Variants in SPINK14 observed in about 807,000 individuals in gnomAD.
SPINK14 encodes serine peptidase inhibitor Kazal type 14 (putative).
SPINK14 carries 6 observed loss-of-function variants against 14.2 expected under a neutral mutation model. The ratio of observed to expected loss-of-function variants is 0.42; its 90% CI spans 0.23 to 0.83. SPINK14 has a LOEUF of 0.83. SPINK14 is among the 40% of genes least tolerant of loss of function. SPINK14 has a pLI of 0.28. For missense variants in SPINK14, 86 were observed against 108.3 expected, an observed-to-expected ratio of 0.79 and a Z score of 0.91; for synonymous variants, 34 against 36.8, an observed-to-expected ratio of 0.92 and a Z score of 0.27.
intron 3 of SPINK14, among the ~76,000 whole-genome samples, chr5:148,173,269 C>CTAACCTCA (rs1755130644): frequency 6.6e-6 from 1 of 152,122 alleles, no homozygotes; most frequent in African/African-American, 2.4e-5. Context: ...CCTGAGAACA[C>CTAACCTCA]TAGCCTCAAG....
chr5:148,169,891 T>G, intron 2 of SPINK14, 92 bp downstream of exon 2: 1 of 944,492 alleles, frequency 1.1e-6, no homozygotes, highest in Non-Finnish European at 1.6e-6. Flanking sequence ...AAATTGTTCT[T>G]TAACTGGGAT....
At position 148,175,530 on chromosome 5, in the gene SPINK14, A is replaced by G. The variant is rs370395738; in HGVS notation, c.*132A>G. 3.0e-6 allele frequency: 2 copies of G among 675,274 alleles called. No homozygotes were observed. Among genetic ancestry groups the G allele is most frequent in the Non-Finnish European group, 5.0e-6 (2 of 398,424 alleles). The allele number at this position is 675,274 out of a possible 1,614,324, so 41.8% of individuals were successfully genotyped here. On this transcript the variant is annotated 3_prime_UTR_variant, in exon 5 of 5. Transcript: ENST00000356972. ...GAGCTATCACTACTGAGCTTGTAGC[A>G]GATTGTTCAAAGTTCCTTCCATGGA...
At chr5:148,172,009 T>C (rs1279292464) in intron 3 of SPINK14, among the ~76,000 whole-genome samples, 1 of 152,168 alleles carries the variant, frequency 6.6e-6, no homozygotes, top group Non-Finnish European at 1.5e-5. Flanking sequence ...AGATACACTA[T>C]TGAGGAAAGC....
chr5:148,175,250 T>C, intron 4 of SPINK14, 103 bp from the exon 5 acceptor site: 1 of 762,500 alleles, frequency 1.3e-6, no homozygotes, highest in Non-Finnish European at 2.1e-6. Context: ...ATCTTAGTTT[T>C]TCCAAATATA....
At chr5:148,172,554 A>C (rs1239447639) in intron 3 of SPINK14, among the ~76,000 whole-genome samples, 1 of 152,190 alleles carries the variant, frequency 6.6e-6, no homozygotes, top group African/African-American at 2.4e-5. Context: ...TGTGCTGGGC[A>C]CATAATGACT....
Position 148,169,597 on chromosome 5 carries a change from G to C in SPINK14, c.-72-64G>C, listed in dbSNP as rs1044723819. On this transcript the variant is annotated intron_variant, in intron 1 of 4. Coordinates refer to ENST00000356972, the MANE Select transcript of SPINK14 (RefSeq NM_001001325.2). The stretch of plus-strand genomic sequence containing the variant: ...AAATACATAGTACTGAGGATACAAT[G>C]GGTGGAGTAGAGATGGCTCTTCATT... 66 of 601,380 alleles carry C rather than the reference G, an allele frequency of 1.1e-4. No homozygotes were observed. The East Asian group carries it at 1.9e-3, about 18-fold the overall frequency. 37.3% of individuals were successfully genotyped at this position (601,380 alleles called of 1,614,324 possible). A position where few individuals can be genotyped will look rare whatever the true frequency, so the allele number is the denominator to read the frequency against.
At chr5:148,171,114 C>G (rs566539769) in intron 3 of SPINK14, 141 bp downstream of exon 3, 1 of 755,604 alleles carries the variant, frequency 1.3e-6, no homozygotes, top group Non-Finnish European at 2.2e-6. Flanking sequence ...GTGGTGGATA[C>G]ACTGCTGAAA....
intron 3 of SPINK14, among the ~76,000 whole-genome samples, chr5:148,172,076 C>T (rs1243809479): frequency 6.6e-6 from 1 of 152,036 alleles, no homozygotes; most frequent in African/African-American, 2.4e-5. Flanking sequence ...AAGAAACCAA[C>T]TATGATTTAT....
Position 148,170,989 on chromosome 5 carries a change from A to G in SPINK14, c.111+16A>G, listed in dbSNP as rs1475101694. On this transcript the variant is annotated intron_variant, in intron 3 of 4. Transcript: ENST00000356972. ...AATTATTAAGGTAATGTTCCATTAA[A>G]TTTCCCCCCAGGACTTACATTATAA... The G allele has an allele frequency of 6.2e-7, 1 of 1,610,620 alleles. No individual in the cohort carries two copies. The highest frequency in any genetic ancestry group is 1.7e-5 in the Admixed American group (1 of 59,808).
At chr5:148,172,640 C>T (rs1755122680) in intron 3 of SPINK14, among the ~76,000 whole-genome samples, 1 of 152,076 alleles carries the variant, frequency 6.6e-6, no homozygotes, top group Admixed American at 6.6e-5. Context: ...AATAATTAAA[C>T]AAATGCGTTG....
intron 3 of SPINK14, among the ~76,000 whole-genome samples, chr5:148,172,300 G>C (rs1185753718): frequency 6.6e-6 from 1 of 152,098 alleles, no homozygotes; most frequent in Non-Finnish European, 1.5e-5. Context: ...TGTGTGACTG[G>C]AGCACAGACA....
chr5:148,170,351 A>G (rs889248817), intron 2 of SPINK14, among the ~76,000 whole-genome samples: 2 of 152,062 alleles, frequency 1.3e-5, no homozygotes, highest in African/African-American at 2.4e-5. Flanking sequence ...AAAAGTGACT[A>G]GCAATATAAT....
At chr5:148,171,215 T>C (rs1417934909) in intron 3 of SPINK14, among the ~76,000 whole-genome samples, 2 of 152,094 alleles carry the variant, frequency 1.3e-5, no homozygotes, top group African/African-American at 2.4e-5. Flanking sequence ...CTGAGAAATA[T>C]TGAAGAGTAT....
intron 3 of SPINK14, among the ~76,000 whole-genome samples, chr5:148,171,734 A>C (rs1235901171): frequency 1.3e-5 from 2 of 152,194 alleles, no homozygotes; most frequent in East Asian, 3.9e-4. Flanking sequence ...TGAGAAAGAT[A>C]TTTTGAGGGC....
chr5:148,173,059 T>C (rs1346532825), intron 3 of SPINK14, among the ~76,000 whole-genome samples: 4 of 151,800 alleles, frequency 2.6e-5, no homozygotes, highest in African/African-American at 4.8e-5. Flanking sequence ...CTTCAGGAAA[T>C]AAGGAATAAA....
intron 3 of SPINK14, among the ~76,000 whole-genome samples, chr5:148,173,174 T>C (rs1351780453): frequency 6.7e-6 from 1 of 149,528 alleles, no homozygotes; most frequent in African/African-American, 2.4e-5. Context: ...ATGACCCCCT[T>C]CTTTCCAAAT....
chr5:148,172,275 C>A (rs1425727496), intron 3 of SPINK14, among the ~76,000 whole-genome samples: 1 of 152,068 alleles, frequency 6.6e-6, no homozygotes, highest in Non-Finnish European at 1.5e-5. Flanking sequence ...CTACCTGGGT[C>A]ACTAATTGAA....
In SPINK14 at chr5:148,175,528, G is replaced by T; in HGVS notation, c.*130G>T. On this transcript the variant is annotated 3_prime_UTR_variant, in exon 5 of 5. Coordinates refer to ENST00000356972, the MANE Select transcript of SPINK14 (RefSeq NM_001001325.2). Reference sequence around the variant, plus strand: ...AAGAGCTATCACTACTGAGCTTGTAGCAGATTGTTCAAAGTTCCTTCCATG... The same window carrying T: ...AAGAGCTATCACTACTGAGCTTGTATCAGATTGTTCAAAGTTCCTTCCATG... 1.5e-6 allele frequency: 1 copy of T among 686,108 alleles called. No homozygotes were observed. Among genetic ancestry groups the T allele is most frequent in the Non-Finnish European group, 2.5e-6 (1 of 406,390 alleles). The allele number at this position is 686,108 out of a possible 1,614,324, so 42.5% of individuals were successfully genotyped here.
At chr5:148,172,003 A>T (rs1581129526) in intron 3 of SPINK14, among the ~76,000 whole-genome samples, 1 of 152,168 alleles carries the variant, frequency 6.6e-6, no homozygotes, top group Admixed American at 6.6e-5. Context: ...GCCCTAAGAT[A>T]CACTATTGAG....
Sources: gnomAD v4.1 joint callset for allele counts (sites outside exome capture counted in the v4.1 genomes callset) on GRCh38, gnomAD v4.1.1 for gene constraint, MANE v1.5 for transcripts, NCBI Gene and HGNC (gene_info 2026-07-23, HGNC 2026-07-21) for gene names.